EML6: variants seen among roughly 807,000 people sequenced by gnomAD.
EML6 encodes the protein echinoderm microtubule-associated protein-like 6.
EML6 carries 154 observed loss-of-function variants against 240.1 expected under a neutral mutation model. The observed-to-expected ratio is 0.64, with a 90% CI of 0.56 to 0.73. The LOEUF is 0.73. Among genes scored for constraint, EML6 ranks in the 30% least tolerant of loss-of-function variants. The pLI, the probability that EML6 is intolerant of heterozygous loss-of-function variation, is 0.00. For synonymous variants in EML6, 1,148 were observed against 899.0 expected (o/e 1.28, Z -4.95); for missense variants, 2,964 against 2,474.6 (o/e 1.20, Z -4.20).
chr2:54,824,607 C>G (rs1427478249), intron 5 of EML6, among the ~76,000 whole-genome samples: 1 of 152,106 alleles, frequency 6.6e-6, no homozygotes, highest in Non-Finnish European at 1.5e-5. Flanking sequence ...TTGTAAATCC[C>G]CTATGTTTTG....
intron 16 of EML6, among the ~76,000 whole-genome samples, chr2:54,874,194 C>T (rs1671393104): frequency 6.6e-6 from 1 of 152,178 alleles, no homozygotes; most frequent in Non-Finnish European, 1.5e-5. Flanking sequence ...AGCTGGTACC[C>T]AGTAATGTGG....
chr2:54,924,561 A>G (rs543351741), intron 26 of EML6, among the ~76,000 whole-genome samples: 9 of 152,070 alleles, frequency 5.9e-5, no homozygotes, highest in African/African-American at 1.7e-4. Flanking sequence ...TTTTAAAAAA[A>G]TTATTTATTA....
chr2:54,730,562 C>T (rs1329630003), intron 2 of EML6, among the ~76,000 whole-genome samples: 1 of 152,154 alleles, frequency 6.6e-6, no homozygotes, highest in African/African-American at 2.4e-5. Context: ...TCATTTTACA[C>T]TGAGAAATGG....
chr2:54,951,406 G>A (rs760901122), intron 30 of EML6, among the ~76,000 whole-genome samples: 14 of 152,056 alleles, frequency 9.2e-5, no homozygotes, highest in Non-Finnish European at 1.6e-4. Context: ...GGTGGCAGGT[G>A]CCTGTAGTCC....
chr2:54,928,547 C>G (rs1446693223), intron 27 of EML6, 33 bp downstream of exon 27: 1 of 1,548,448 alleles, frequency 6.5e-7, no homozygotes, highest in African/African-American at 1.4e-5. Context: ...GCCTCCTGCG[C>G]CGAATGCACC....
chr2:54,884,392 T>G (rs76091849), intron 17 of EML6, among the ~76,000 whole-genome samples: 1 of 152,272 alleles, frequency 6.6e-6, no homozygotes, highest in East Asian at 1.9e-4. Context: ...GAGGCTTCAT[T>G]ACATAGGCAT....
In EML6 at chr2:54,969,981, C is replaced by G. The variant is rs1676918794; in HGVS notation, c.5853-90C>G. 2.8e-6 allele frequency: 4 copies of G among 1,404,360 alleles called. No homozygotes were observed. In the South Asian group the frequency reaches 4.9e-5, roughly 17 times the overall value. 87.0% of individuals were successfully genotyped at this position (1,404,360 alleles called of 1,614,324 possible). On this transcript the variant is annotated intron_variant, in intron 41 of 41. Transcript: ENST00000356458. Reference sequence around the variant, plus strand: ...TGTTCAATACATCACCCGAGCTTGACTTTTGAGCACTTGGCAAGATTGTTT... The same window carrying G: ...TGTTCAATACATCACCCGAGCTTGAGTTTTGAGCACTTGGCAAGATTGTTT...
At chr2:54,784,045 C>G (rs1668967811) in intron 2 of EML6, among the ~76,000 whole-genome samples, 1 of 152,036 alleles carries the variant, frequency 6.6e-6, no homozygotes, top group Admixed American at 6.6e-5. Flanking sequence ...ATCCAGGGCT[C>G]AAGTGAATAT....
At chr2:54,808,392 C>A (rs1173337674) in intron 2 of EML6, among the ~76,000 whole-genome samples, 4 of 152,220 alleles carry the variant, frequency 2.6e-5, no homozygotes, top group Non-Finnish European at 4.4e-5. Flanking sequence ...ACCTCCCCTT[C>A]TGTCGTCAGA....
chr2:54,852,019 A>C (rs968639294), intron 10 of EML6, among the ~76,000 whole-genome samples: 1 of 152,240 alleles, frequency 6.6e-6, no homozygotes, highest in African/African-American at 2.4e-5. Context: ...GGAGTATTAG[A>C]AACTCTGAGA....
chr2:54,827,087 C>T (rs1243894878), intron 5 of EML6, among the ~76,000 whole-genome samples: 2 of 152,184 alleles, frequency 1.3e-5, no homozygotes, highest in Non-Finnish European at 2.9e-5. Flanking sequence ...ACACAAGAAT[C>T]ACTTGACCCT....
At chr2:54,793,744 A>G (rs1032232536) in intron 2 of EML6, among the ~76,000 whole-genome samples, 1 of 152,166 alleles carries the variant, frequency 6.6e-6, no homozygotes, top group South Asian at 2.1e-4. Flanking sequence ...GTGGACTTCC[A>G]GGAAGCGGGG....
chr2:54,933,125 C>T (rs1674947716), intron 28 of EML6, among the ~76,000 whole-genome samples: 1 of 152,170 alleles, frequency 6.6e-6, no homozygotes, highest in African/African-American at 2.4e-5. Flanking sequence ...CTTATAGTCT[C>T]TGTGGTTCAA....
At position 54,960,235 on chromosome 2, in the gene EML6, T is replaced by A. The variant is rs1247676379; in HGVS notation, c.4869T>A (p.Gly1623=). ...TCTTTTTTAGGACCAAAGAAGGAGG[T>A]GCTGTAAAATTGTGGGACCAGGAGA... ...GGKERPTKEG[G]AVKLWDQEMK... is the part of the protein sequence containing the mutation. The change falls in exon 35 of 42, where the codon GGT becomes GGA. Residue 1623 remains glycine, a synonymous_variant. Transcript: ENST00000356458. 36 of 1,550,670 alleles carry A rather than the reference T, an allele frequency of 2.3e-5. No homozygotes were observed. Among genetic ancestry groups the A allele is most frequent in the Non-Finnish European group, 3.1e-5 (36 of 1,146,602 alleles).
chr2:54,843,110 C>G (rs778881706), intron 7 of EML6, among the ~76,000 whole-genome samples: 1 of 152,182 alleles, frequency 6.6e-6, no homozygotes, highest in Non-Finnish European at 1.5e-5. Flanking sequence ...TGAACTGATT[C>G]TTCTCTGATA....
At chr2:54,843,715 C>A (rs182710820) in intron 7 of EML6, among the ~76,000 whole-genome samples, 79 of 151,870 alleles carry the variant, frequency 5.2e-4, no homozygotes, top group African/African-American at 1.8e-3. Flanking sequence ...TGGTGGTGGG[C>A]ATCTGTAGTC....
Position 54,723,715 on chromosome 2 carries a change from G to A in EML6, c.-576G>A, listed in dbSNP as rs1682782956. The stretch of plus-strand genomic sequence containing the variant: ...AGGCGGGGAGGGGAGGGCAGGCAGA[G>A]GATTTCGCTCGCTCGCCCGCGCGGG... On this transcript the variant is annotated 5_prime_UTR_variant, in exon 1 of 42. Transcript: ENST00000356458. 1.3e-5 allele frequency: 2 copies of A among 152,306 alleles called. No homozygotes were observed. The highest frequency in any genetic ancestry group is 2.9e-5 in the Non-Finnish European group (2 of 68,128). 9.4% of individuals were successfully genotyped at this position (152,306 alleles called of 1,614,324 possible).
rs1435209626 is a variant in EML6 at position 54,892,618 on chromosome 2, C to G, written c.2704C>G (p.His902Asp). The G allele has an allele frequency of 5.2e-6, 8 of 1,551,646 alleles. No homozygotes were observed. The highest frequency in any genetic ancestry group is 2.0e-5 in the Admixed American group (1 of 50,968). The change falls in exon 19 of 42, where the codon CAT becomes GAT. Residue 902 changes from histidine (H) to aspartate (D), a missense_variant. Coordinates refer to ENST00000356458, the MANE Select transcript of EML6 (RefSeq NM_001039753.4). ...TCTACTACTGAAGACAGTGAAAGCT[C>G]ATGATGGGCCTGTGTTTGCTATGTA... is the stretch of plus-strand genomic sequence containing the variant. ...DILLLKTVKA[H>D]DGPVFAMYAL...
intron 2 of EML6, among the ~76,000 whole-genome samples, chr2:54,804,480 A>T (rs945980883): frequency 1.3e-5 from 2 of 152,228 alleles, no homozygotes; most frequent in African/African-American, 2.4e-5. Flanking sequence ...TGCTGATCAA[A>T]TTCTTTTATC....
Sources: gnomAD v4.1 joint callset for allele counts (sites outside exome capture counted in the v4.1 genomes callset) on GRCh38, gnomAD v4.1.1 for gene constraint, MANE v1.5 for transcripts, NCBI Gene and HGNC (gene_info 2026-07-23, HGNC 2026-07-21) for gene names.